MAD1L1: variants seen among roughly 807,000 people sequenced by gnomAD.
MAD1L1 encodes mitotic arrest deficient 1 like 1.
MAD1L1 carries 95 observed loss-of-function variants against 96.9 expected under a neutral mutation model. The ratio of observed to expected loss-of-function variants is 0.98; its 90% confidence interval spans 0.83 to 1.16. The LOEUF is 1.16. Among genes scored for constraint, MAD1L1 ranks in the 50% most tolerant of loss-of-function variants. MAD1L1 has a pLI of 0.00. For missense variants in MAD1L1, 1,007 were observed against 954.4 expected (o/e 1.06, Z -0.73); for synonymous variants, 473 against 396.6 (o/e 1.19, Z -2.29).
At chr7:1,860,138 G>A (rs1218979482) in intron 18 of MAD1L1, among the ~76,000 whole-genome samples, 9 of 144,546 alleles carry the variant, frequency 6.2e-5, no homozygotes, top group Non-Finnish European at 1.1e-4. Flanking sequence ...GACATCTGGC[G>A]GGGCGGCCTC....
intron 11 of MAD1L1, among the ~76,000 whole-genome samples, chr7:2,138,607 C>A (rs148064936): frequency 4.6e-5 from 7 of 152,304 alleles, no homozygotes; most frequent in Admixed American, 2.0e-4. Context: ...GGGCCTCCCC[C>A]GCTCTCAAGG....
chr7:2,184,695 C>T (rs1400295177), intron 10 of MAD1L1, among the ~76,000 whole-genome samples: 14 of 152,118 alleles, frequency 9.2e-5, no homozygotes, highest in African/African-American at 2.9e-4. Flanking sequence ...CAAGCAGATT[C>T]GTACAAGTTA....
chr7:1,905,769 G>A (rs1296020087), intron 17 of MAD1L1, among the ~76,000 whole-genome samples: 1 of 152,164 alleles, frequency 6.6e-6, no homozygotes, highest in Non-Finnish European at 1.5e-5. Flanking sequence ...GGAACCTGGG[G>A]CTGGGCACAG....
chr7:1,952,506 A>G (rs1189822461), intron 16 of MAD1L1, among the ~76,000 whole-genome samples: 1 of 152,214 alleles, frequency 6.6e-6, no homozygotes, highest in Non-Finnish European at 1.5e-5. Context: ...CTCCCACAGA[A>G]CAGGGGCCCA....
chr7:2,095,505 G>T (rs1050178581), intron 11 of MAD1L1, among the ~76,000 whole-genome samples: 2 of 152,218 alleles, frequency 1.3e-5, no homozygotes, highest in Non-Finnish European at 2.9e-5. Context: ...GGCTGCAAAC[G>T]GAGATGGGCA....
intron 18 of MAD1L1, chr7:1,854,276 G>A: frequency 2.4e-6 from 1 of 408,624 alleles, no homozygotes; most frequent in Non-Finnish European, 4.8e-6. Context: ...GGGGCTGGGA[G>A]TGGCTGAGAC....
intron 11 of MAD1L1, among the ~76,000 whole-genome samples, chr7:2,086,853 C>A (rs760193378): frequency 1.3e-5 from 2 of 152,210 alleles, no homozygotes; most frequent in Non-Finnish European, 2.9e-5. Flanking sequence ...CCGCGCCCAG[C>A]ACAATTGCTG....
intron 12 of MAD1L1, among the ~76,000 whole-genome samples, chr7:2,063,797 G>A (rs2128525267): frequency 6.6e-6 from 1 of 152,318 alleles, no homozygotes; most frequent in South Asian, 2.1e-4. Context: ...ACTCCTTCAT[G>A]ATCCACGGGC....
At chr7:2,219,275 G>A (rs1414652617) in intron 6 of MAD1L1, 57 bp downstream of exon 6, 90 of 1,484,922 alleles carry the variant, frequency 6.1e-5, no homozygotes, top group Non-Finnish European at 8.0e-5. Flanking sequence ...GAGAGAGGTG[G>A]GACGCATGCC....
intron 10 of MAD1L1, 57 bp downstream of exon 10, chr7:2,213,155 C>T: frequency 1.3e-6 from 2 of 1,582,794 alleles, no homozygotes; most frequent in Admixed American, 1.7e-5. Context: ...AGGCTCTGCT[C>T]TTCACCCAGG....
intron 17 of MAD1L1, among the ~76,000 whole-genome samples, chr7:1,914,841 A>C (rs1788271548): frequency 6.6e-6 from 1 of 152,140 alleles, no homozygotes; most frequent in South Asian, 2.1e-4. Context: ...TCTCCAACCG[A>C]GCCTCTGGCA....
chr7:2,052,507 TC>T (rs1341099014), intron 12 of MAD1L1, among the ~76,000 whole-genome samples: 1 of 151,326 alleles, frequency 6.6e-6, no homozygotes, highest in African/African-American at 2.4e-5. Context: ...GGCTGGACAC[TC>T]ACTGGGGCCC....
intron 4 of MAD1L1, among the ~76,000 whole-genome samples, chr7:2,224,682 G>A (rs1793789298): frequency 6.6e-6 from 1 of 152,192 alleles, no homozygotes; most frequent in Admixed American, 6.5e-5. Context: ...TACTCTGCCT[G>A]AACCTTGGCA....
Position 1,869,142 on chromosome 7 carries a change from G to A in MAD1L1, c.1998+29058C>T, listed in dbSNP as rs867942708. 2.6e-5 allele frequency among the ~76,000 whole-genome samples: 4 copies of A among 152,210 alleles called. No homozygotes were observed. The East Asian group carries it at 7.7e-4, about 29-fold the overall frequency. Reference sequence around the variant, plus strand: ...GATCCATGCCCAGGCACCATCGCCCGCCCCCATGGCTGCCGGCATGGGGCG... The same window carrying A: ...GATCCATGCCCAGGCACCATCGCCCACCCCCATGGCTGCCGGCATGGGGCG... On this transcript the variant is annotated intron_variant, in intron 18 of 18. Transcript: ENST00000265854.
chr7:1,971,173 C>T (rs1193267539), intron 15 of MAD1L1, among the ~76,000 whole-genome samples: 1 of 152,218 alleles, frequency 6.6e-6, no homozygotes, highest in Non-Finnish European at 1.5e-5. Flanking sequence ...CACGCAGTGC[C>T]ATGCGGGGCC....
chr7:1,847,338 G>A (rs543142121), intron 18 of MAD1L1: 544 of 471,086 alleles, frequency 1.2e-3, no homozygotes, highest in Non-Finnish European at 2.0e-3. Flanking sequence ...CATGGCAGGC[G>A]GTGCTCGCGG....
intron 12 of MAD1L1, among the ~76,000 whole-genome samples, chr7:2,047,091 A>G (rs1783958220): frequency 6.6e-6 from 1 of 152,204 alleles, no homozygotes; most frequent in African/African-American, 2.4e-5. Context: ...CTGGGCAAAC[A>G]GTCTTCGGCT....
chr7:1,947,272 A>G (rs1346701406), intron 16 of MAD1L1, among the ~76,000 whole-genome samples: 2 of 152,208 alleles, frequency 1.3e-5, no homozygotes, highest in African/African-American at 4.8e-5. Flanking sequence ...TGCCTCCAGC[A>G]AGGCCCAGGC....
At chr7:2,164,860 G>A (rs1266228798) in intron 10 of MAD1L1, among the ~76,000 whole-genome samples, 1 of 152,150 alleles carries the variant, frequency 6.6e-6, no homozygotes, top group African/African-American at 2.4e-5. Flanking sequence ...CATGACAAGA[G>A]TGGGCAGGTG....
Sources: gnomAD v4.1 joint callset for allele counts (sites outside exome capture counted in the v4.1 genomes callset) on GRCh38, gnomAD v4.1.1 for gene constraint, MANE v1.5 for transcripts, NCBI Gene and HGNC (gene_info 2026-07-23, HGNC 2026-07-21) for gene names.